The following CCDC91 variants were observed in gnomAD, a reference collection of about 807,000 sequenced individuals.
CCDC91 encodes the protein coiled-coil domain containing 91, also known as coiled-coil domain-containing protein 91.
A neutral mutation model predicts 63.2 loss-of-function variants in CCDC91; 48 were observed. That is an observed-to-expected ratio of 0.76 (90% CI 0.60 to 0.97). The LOEUF is 0.97. Ranked by LOEUF, CCDC91 falls within the 50% of genes least tolerant of loss-of-function variation. The probability of loss-of-function intolerance (pLI) is 0.00; values close to 1 mark genes in which losing one functional copy is unlikely to be tolerated. For missense variants in CCDC91, 500 were observed against 494.6 expected (o/e 1.01, Z -0.10); for synonymous variants, 167 against 165.8 (o/e 1.01, Z -0.06).
At chr12:28,331,206 G>A (rs561905303) in intron 6 of CCDC91, among the ~76,000 whole-genome samples, 1 of 152,226 alleles carries the variant, frequency 6.6e-6, no homozygotes, top group African/African-American at 2.4e-5. Context: ...AAAACGGATG[G>A]AACTACAGGC....
chr12:28,200,848 C>G (rs1376268205), intron 1 of CCDC91, among the ~76,000 whole-genome samples: 3 of 151,634 alleles, frequency 2.0e-5, no homozygotes, highest in Non-Finnish European at 4.4e-5. Flanking sequence ...CCAGTAGGGG[C>G]GGCTGGGCAG....
intron 8 of CCDC91, among the ~76,000 whole-genome samples, chr12:28,414,507 T>C (rs1406512560): frequency 3.3e-5 from 5 of 152,142 alleles, no homozygotes; most frequent in African/African-American, 1.2e-4. Flanking sequence ...ATTTAAACAT[T>C]TTATTTTTGA....
intron 7 of CCDC91, among the ~76,000 whole-genome samples, chr12:28,366,108 A>C (rs1237212278): frequency 6.6e-6 from 1 of 152,210 alleles, no homozygotes; most frequent in African/African-American, 2.4e-5. Flanking sequence ...GCTTTCAGAA[A>C]TATGAAGACA....
At chr12:28,475,737 G>A (rs1467648481) in intron 11 of CCDC91, among the ~76,000 whole-genome samples, 1 of 151,802 alleles carries the variant, frequency 6.6e-6, no homozygotes. Context: ...ACCAGATGTG[G>A]CCCCAGTAAG....
At chr12:28,495,305 A>T (rs1226239214) in intron 12 of CCDC91, among the ~76,000 whole-genome samples, 1 of 151,702 alleles carries the variant, frequency 6.6e-6, no homozygotes. Context: ...GTAGTAACTC[A>T]TGTCAGACCT....
At chr12:28,398,653 G>T (rs1453764658) in intron 8 of CCDC91, among the ~76,000 whole-genome samples, 1 of 152,048 alleles carries the variant, frequency 6.6e-6, no homozygotes, top group African/African-American at 2.4e-5. Context: ...AATTCTCTTT[G>T]ATCTGCTCTC....
At chr12:28,269,782 A>G (rs1947614746) in intron 3 of CCDC91, among the ~76,000 whole-genome samples, 1 of 152,068 alleles carries the variant, frequency 6.6e-6, no homozygotes, top group Admixed American at 6.6e-5. Context: ...ATTTTGTTGT[A>G]ATTCCTTTGT....
At chr12:28,468,607 C>A (rs1337180325) in intron 11 of CCDC91, among the ~76,000 whole-genome samples, 1 of 151,774 alleles carries the variant, frequency 6.6e-6, no homozygotes, top group Non-Finnish European at 1.5e-5. Context: ...GCCAGTATTA[C>A]CCAATATCAA....
chr12:28,488,866 ACT>A (rs1442265122), intron 12 of CCDC91, among the ~76,000 whole-genome samples: 3 of 151,892 alleles, frequency 2.0e-5, no homozygotes, highest in South Asian at 2.1e-4. Flanking sequence ...TTGGTTTCAG[ACT>A]CTCTTCAATC....
intron 3 of CCDC91, among the ~76,000 whole-genome samples, chr12:28,289,605 G>A (rs577753706): frequency 2.0e-5 from 3 of 151,482 alleles, no homozygotes; most frequent in Admixed American, 2.0e-4. Context: ...TGATTGTGTG[G>A]TCAGTTTCAG....
chr12:28,500,132 A>G (rs1032158705), intron 12 of CCDC91, among the ~76,000 whole-genome samples: 2 of 151,288 alleles, frequency 1.3e-5, no homozygotes, highest in African/African-American at 4.8e-5. Context: ...TGTTGACTAC[A>G]TAAATGTCTT....
intron 7 of CCDC91, among the ~76,000 whole-genome samples, chr12:28,378,885 T>C (rs1945107817): frequency 6.6e-6 from 1 of 152,118 alleles, no homozygotes; most frequent in African/African-American, 2.4e-5. Flanking sequence ...GATTTGGTAG[T>C]TGAGAATACT....
intron 2 of CCDC91, among the ~76,000 whole-genome samples, chr12:28,258,262 T>G (rs1946580232): frequency 1.3e-5 from 2 of 152,042 alleles, no homozygotes; most frequent in South Asian, 4.1e-4. Flanking sequence ...AATGTAACAT[T>G]TATTTTTGTT....
At chr12:28,470,807 A>G (rs1950777891) in intron 11 of CCDC91, among the ~76,000 whole-genome samples, 1 of 152,100 alleles carries the variant, frequency 6.6e-6, no homozygotes, top group Admixed American at 6.6e-5. Flanking sequence ...TGGAGTTCCT[A>G]ATGTGAAGTG....
At chr12:28,351,532 C>G (rs1333647088) in intron 6 of CCDC91, among the ~76,000 whole-genome samples, 1 of 152,182 alleles carries the variant, frequency 6.6e-6, no homozygotes, top group East Asian at 1.9e-4. Context: ...GCCCATGGCC[C>G]TGGCTTGGTT....
At chr12:28,543,189 C>T (rs1240233877) in intron 12 of CCDC91, among the ~76,000 whole-genome samples, 4 of 152,022 alleles carry the variant, frequency 2.6e-5, no homozygotes, top group Non-Finnish European at 5.9e-5. Context: ...AGTAAGAGCC[C>T]ATCTCAGTTT....
intron 12 of CCDC91, among the ~76,000 whole-genome samples, chr12:28,503,818 A>C (rs567781543): frequency 6.1e-4 from 93 of 152,212 alleles, no homozygotes; most frequent in Non-Finnish European, 3.2e-4. Context: ...CATCATTCTC[A>C]GTAAACTATC....
chr12:28,257,711 A>T (rs190126945), intron 2 of CCDC91, among the ~76,000 whole-genome samples: 28 of 152,270 alleles, frequency 1.8e-4, no homozygotes, highest in South Asian at 1.7e-3. Context: ...TTGTTAGATT[A>T]TTCTAGTAGG....
intron 1 of CCDC91, among the ~76,000 whole-genome samples, chr12:28,233,264 C>T (rs1160036689): frequency 1.3e-5 from 2 of 152,102 alleles, no homozygotes; most frequent in African/African-American, 4.8e-5. Context: ...TCCCCCAACC[C>T]CTGGTGTCTA....
Sources: gnomAD v4.1 joint callset for allele counts (sites outside exome capture counted in the v4.1 genomes callset) on GRCh38, gnomAD v4.1.1 for gene constraint, MANE v1.5 for transcripts, NCBI Gene and HGNC (gene_info 2026-07-23, HGNC 2026-07-21) for gene names.